Variants in PCDHGA2 observed in about 807,000 individuals in gnomAD.
PCDHGA2 encodes the protein protocadherin gamma-A2.
PCDHGA2 carries 40 observed loss-of-function variants against 59.2 expected under a neutral mutation model. That is an observed-to-expected ratio of 0.68 (90% CI 0.52 to 0.88). PCDHGA2 has a LOEUF of 0.88. Ranked by LOEUF, PCDHGA2 falls within the 40% of genes least tolerant of loss-of-function variation. The pLI is 0.00. For missense variants in PCDHGA2, 1,226 were observed against 1,204.0 expected (o/e 1.02, Z -0.27); for synonymous variants, 560 against 526.0 (o/e 1.06, Z -0.89).
chr5:141,407,200 G>A (rs1054595818), intron 1 of PCDHGA2, among the ~76,000 whole-genome samples: 2 of 152,228 alleles, frequency 1.3e-5, no homozygotes, highest in East Asian at 1.9e-4. Context: ...TTTCAAACAC[G>A]TTTTCCCCCT....
intron 1 of PCDHGA2, chr5:141,357,435 G>C (rs769082126): frequency 5.0e-6 from 8 of 1,614,086 alleles, no homozygotes; most frequent in East Asian, 4.5e-5. Context: ...GCGTGGACGG[G>C]GTTCGGGCTT....
intron 1 of PCDHGA2, chr5:141,422,970 C>T (rs1348343583): frequency 1.2e-6 from 2 of 1,614,246 alleles, no homozygotes; most frequent in East Asian, 2.2e-5. Flanking sequence ...TGGCGCCCCG[C>T]TCTGCGGAAC....
At chr5:141,424,715 G>A (rs1299933373) in intron 1 of PCDHGA2, 1 of 152,132 alleles carries the variant, frequency 6.6e-6, no homozygotes, top group Admixed American at 6.6e-5. Flanking sequence ...TTTCAGTGTA[G>A]TTGGGAGTCA....
chr5:141,370,241 T>C (rs1442707721), intron 1 of PCDHGA2: 3 of 626,086 alleles, frequency 4.8e-6, no homozygotes, highest in Non-Finnish European at 7.8e-6. Flanking sequence ...GGAAGAAAAG[T>C]GCACTCTCTA....
intron 1 of PCDHGA2, among the ~76,000 whole-genome samples, chr5:141,424,973 G>A (rs2096851520): frequency 6.6e-6 from 1 of 152,108 alleles, no homozygotes; most frequent in African/African-American, 2.4e-5. Flanking sequence ...AAATTACTTG[G>A]ATATTTATGT....
chr5:141,509,882 GTGAC>G (rs1186067105), intron 3 of PCDHGA2, among the ~76,000 whole-genome samples: 1 of 152,182 alleles, frequency 6.6e-6, no homozygotes, highest in Non-Finnish European at 1.5e-5. Context: ...GGTGGTGATG[GTGAC>G]TGACTGTCCC....
At chr5:141,420,945 G>C in intron 1 of PCDHGA2, 1 of 396,520 alleles carries the variant, frequency 2.5e-6, no homozygotes, top group South Asian at 5.1e-5. Flanking sequence ...ATTTCTTCTG[G>C]AATTTCTTAG....
At chr5:141,351,079 G>T in intron 1 of PCDHGA2, 1 of 1,614,028 alleles carries the variant, frequency 6.2e-7, no homozygotes, top group Non-Finnish European at 8.5e-7. Context: ...TTAATGCAGA[G>T]ATCACCTATG....
In PCDHGA2 at chr5:141,486,047, C is replaced by T. The variant is rs763394605; in HGVS notation, c.2425-8760C>T. Reference sequence around the variant, plus strand: ...TCATACCCCTGATCGTGTAAGAAACCTCTTTAGCCTGCACCCCACTACTGG... The same window carrying T: ...TCATACCCCTGATCGTGTAAGAAACTTCTTTAGCCTGCACCCCACTACTGG... On this transcript the variant is annotated intron_variant, in intron 1 of 3. Transcript: ENST00000394576. The surrounding 1 kb of genome is among the most constrained non-coding windows in gnomAD (Gnocchi z 5.0). 2.5e-6 allele frequency: 4 copies of T among 1,614,054 alleles called. No individual in the cohort carries two copies. The African/African-American group carries it at 5.3e-5, about 22-fold the overall frequency.
At chr5:141,415,804 A>C in intron 1 of PCDHGA2, 1 of 1,366,960 alleles carries the variant, frequency 7.3e-7, no homozygotes, top group Non-Finnish European at 9.4e-7. Flanking sequence ...AGTCTCAATC[A>C]AGGCCTATAT....
chr5:141,340,397 GC>G lies in PCDHGA2; in HGVS notation c.1429del (p.His477MetfsTer11). The stretch of plus-strand genomic sequence containing the variant: ...AGGAGCCTCTGTCTTCTCAGTGACG[GC>G]CCATGACCCCGACAGCAACGACAAT... The part of the protein sequence containing the change: ...PRGASVFSVT[A>X]HDPDSNDNAH... On this transcript the variant is annotated frameshift_variant, in exon 1 of 4. Transcript: ENST00000394576. LOFTEE classifies it high-confidence loss of function. The G allele has an allele frequency of 2.5e-6, 4 of 1,614,064 alleles. No homozygotes were observed. The highest frequency in any genetic ancestry group is 3.4e-6 in the Non-Finnish European group (4 of 1,180,020).
chr5:141,364,386 T>C lies in PCDHGA2; in HGVS notation c.2424+22991T>C, dbSNP rs543592741. 3.8e-6 allele frequency: 6 copies of C among 1,592,054 alleles called. No homozygotes were observed. In the Admixed American group the frequency reaches 8.9e-5, roughly 24 times the overall value. On this transcript the variant is annotated intron_variant, in intron 1 of 3. Transcript: ENST00000394576. ...GGAGAGCTGCTGCTGCCCTTCATGC[T>C]CCTGGGGACGCTGTGCGAGCCAGGA...
intron 1 of PCDHGA2, chr5:141,383,089 GT>G: frequency 1.2e-6 from 2 of 1,613,932 alleles, no homozygotes; most frequent in Non-Finnish European, 1.7e-6. Context: ...GGAGCGCGGA[GT>G]CCGCATCATC....
At chr5:141,427,602 A>G (rs1415454468) in intron 1 of PCDHGA2, 1 of 685,668 alleles carries the variant, frequency 1.5e-6, no homozygotes, top group Non-Finnish European at 2.7e-6. Flanking sequence ...CACCCTACGC[A>G]TTGGTGAAGT....
chr5:141,417,754 C>A, intron 1 of PCDHGA2: 2 of 1,431,302 alleles, frequency 1.4e-6, no homozygotes, highest in Non-Finnish European at 1.8e-6. Flanking sequence ...TTGCCAGCTC[C>A]GAGACCCGGG....
chr5:141,340,049 T>C lies in PCDHGA2; in HGVS notation c.1078T>C (p.Ser360Pro). ...TSATSSVSED[S>P]LPGTIIGLFN... ...TGCTACTAGCTCAGTTTCTGAAGAC[T>C]CTCTTCCAGGAACCATAATTGGGCT... is the stretch of plus-strand genomic sequence containing the variant. Residue 360 changes from serine to proline, a missense_variant, in exon 1 of 4, where the codon TCT (serine) becomes CCT (proline). Ser to Pro is a moderately conservative substitution (Grantham distance 74). Transcript: ENST00000394576. 2 of 1,614,096 alleles carry C rather than the reference T, an allele frequency of 1.2e-6. No individual in the cohort carries two copies. The highest frequency in any genetic ancestry group is 1.7e-6 in the Non-Finnish European group (2 of 1,180,020).
chr5:141,418,339 T>G (rs779598961), intron 1 of PCDHGA2: 2 of 1,614,012 alleles, frequency 1.2e-6, no homozygotes, highest in Non-Finnish European at 1.7e-6. Context: ...CAGAAGATCC[T>G]GATATTAGTA....
intron 1 of PCDHGA2, among the ~76,000 whole-genome samples, chr5:141,464,240 G>A (rs1396190870): frequency 1.3e-5 from 2 of 150,444 alleles, no homozygotes; most frequent in Non-Finnish European, 2.9e-5. Context: ...ACTCCAGCCT[G>A]GGCTACAGAG....
chr5:141,346,800 A>G (rs1241019391), intron 1 of PCDHGA2, among the ~76,000 whole-genome samples: 1 of 152,236 alleles, frequency 6.6e-6, no homozygotes, highest in Non-Finnish European at 1.5e-5. Flanking sequence ...TGAGAGAAAC[A>G]CAACACTGGT....
Sources: allele counts gnomAD v4.1 joint callset (sites outside exome capture counted in the v4.1 genomes callset), GRCh38; gene constraint gnomAD v4.1.1; non-coding constraint Gnocchi (gnomAD v3.1); transcripts MANE v1.5; gene names NCBI Gene and HGNC (gene_info 2026-07-23, HGNC 2026-07-21).